SPAG4: variants seen among roughly 807,000 people sequenced by gnomAD.
The protein encoded by SPAG4 is sperm associated antigen 4, also known as sperm-associated antigen 4 protein.
In SPAG4, 54 loss-of-function variants were observed where a neutral mutation model predicts 53.9. The observed-to-expected ratio is 1.00, with a 90% CI of 0.80 to 1.26. SPAG4 has a LOEUF of 1.26. Ranked by LOEUF, SPAG4 falls within the 50% of genes most tolerant of loss-of-function variation. The pLI, the probability that SPAG4 is intolerant of heterozygous loss-of-function variation, is 0.00. For missense variants in SPAG4, 548 were observed against 568.6 expected (o/e 0.96, Z 0.37); for synonymous variants, 246 against 237.4 (o/e 1.04, Z -0.33).
intron 11 of SPAG4, 51 bp from the exon 12 acceptor site, chr20:35,620,825 G>C: frequency 6.2e-7 from 1 of 1,613,012 alleles, no homozygotes; most frequent in African/African-American, 1.3e-5. Context: ...AGTGAGGGAT[G>C]AATGATCCAG....
In SPAG4 at chr20:35,618,592, C is replaced by T. The variant is rs1019019139; in HGVS notation, c.609-20C>T. 2.5e-6 allele frequency: 4 copies of T among 1,594,490 alleles called. No homozygotes were observed. The highest frequency in any genetic ancestry group is 3.4e-6 in the Non-Finnish European group (4 of 1,169,554). On this transcript the variant is annotated intron_variant, in intron 6 of 11. Coordinates refer to ENST00000374273, the MANE Select transcript of SPAG4 (RefSeq NM_003116.3). ...GGGGGACAGGGAGCCAACCCCACGG[C>T]GCCCACCTCCCACCTCCAGTGAGTA...
Position 35,619,655 on chromosome 20 carries a change from T to C in SPAG4, c.986T>C (p.Val329Ala). ...GTGGTGATCCAACTGCCGGGCCGAG[T>C]GCAGCTGAGCGACATCACTCTGCAG... ...GQVVIQLPGR[V>A]QLSDITLQHP... Residue 329 changes from valine to alanine, a missense_variant, in exon 10 of 12, where the codon GTG becomes GCG. Val to Ala is a moderately conservative substitution (Grantham distance 64, BLOSUM62 0). Transcript: ENST00000374273. 6.2e-7 allele frequency: 1 copy of C among 1,613,948 alleles called. No individual in the cohort carries two copies. The highest frequency in any genetic ancestry group is 8.5e-7 in the Non-Finnish European group (1 of 1,180,004).
chr20:35,618,484 G>T lies in SPAG4; in HGVS notation c.608+9G>T. 5.6e-6 allele frequency: 9 copies of T among 1,613,870 alleles called. No homozygotes were observed. The highest frequency in any genetic ancestry group is 1.7e-4 in the Middle Eastern group (1 of 6,060). On this transcript the variant is annotated intron_variant, in intron 6 of 11. Coordinates refer to ENST00000374273, the MANE Select transcript of SPAG4 (RefSeq NM_003116.3). ...GAGATGCTGACTCTAAGGTGAAAGA[G>T]GGCACCTAGGGTGGGAAATTGGGGG... is the stretch of plus-strand genomic sequence containing the variant.
Position 35,617,760 on chromosome 20 carries a change from C to T in SPAG4, c.477-19C>T. The stretch of plus-strand genomic sequence containing the variant: ...AGGGTTGAGCAGGTCGGGGCCTCAG[C>T]CTCCCTCCGGTTCCCCAGGGAGGTC... On this transcript the variant is annotated intron_variant, in intron 3 of 11. Transcript: ENST00000374273. 1 of 1,613,198 alleles carries T rather than the reference C, an allele frequency of 6.2e-7. No homozygotes were observed. The highest frequency in any genetic ancestry group is 8.5e-7 in the Non-Finnish European group (1 of 1,179,290).
chr20:35,619,573 C>A lies in SPAG4; in HGVS notation c.910-6C>A. On this transcript the variant is annotated splice_region_variant and splice_polypyrimidine_tract_variant and intron_variant, in intron 9 of 11. Transcript: ENST00000374273. ...CGGTTCCGATGGTCCCTCCGCCCGC[C>A]TGCAGCCCCACGTGTTCCCTGGGAA... 4 of 1,611,164 alleles carry A rather than the reference C, an allele frequency of 2.5e-6. No homozygotes were observed. Among genetic ancestry groups the A allele is most frequent in the Non-Finnish European group, 3.4e-6 (4 of 1,177,878 alleles).
chr20:35,618,054 T>C (rs1674004117), intron 4 of SPAG4, 33 bp from the exon 5 acceptor site: 1 of 1,609,636 alleles, frequency 6.2e-7, no homozygotes, highest in African/African-American at 1.3e-5. Context: ...TCTCTTCCTT[T>C]TCCTTCTGAG....
chr20:35,619,455 C>A, intron 9 of SPAG4, 124 bp from the exon 10 acceptor site: 1 of 1,405,208 alleles, frequency 7.1e-7, no homozygotes, highest in Non-Finnish European at 1.0e-6. Flanking sequence ...TTGCTGGGGA[C>A]TGGGGCGGGC....
chr20:35,619,239 A>G lies in SPAG4; in HGVS notation c.838A>G (p.Arg280Gly), dbSNP rs760203123. ...GAAGACATCCCACGATTACGCAGACAGGAACACTGCCTACTTCTGGAATCG... is the reference window on the plus strand; with the variant it reads ...GAAGACATCCCACGATTACGCAGACGGGAACACTGCCTACTTCTGGAATCG... ...LQKTSHDYAD[R>G]NTAYFWNRFS... The change falls in exon 9 of 12, where the codon AGG becomes GGG. Residue 280 changes from arginine (R) to glycine (G), a missense_variant. Arg to Gly is a moderately radical substitution (Grantham distance 125). Coordinates refer to ENST00000374273, the MANE Select transcript of SPAG4 (RefSeq NM_003116.3). 4 of 1,613,996 alleles carry G rather than the reference A, an allele frequency of 2.5e-6. No homozygotes were observed. The highest frequency in any genetic ancestry group is 3.4e-6 in the Non-Finnish European group (4 of 1,179,992).
At position 35,617,126 on chromosome 20, in the gene SPAG4, G is replaced by T; in HGVS notation, c.305-10G>T. 6.4e-7 allele frequency: 1 copy of T among 1,566,432 alleles called. No individual in the cohort carries two copies. Among genetic ancestry groups the T allele is most frequent in the South Asian group, 1.2e-5 (1 of 85,798 alleles). ...CGCAAGGCCCCAGTGGAGCCCTTGGGTTCCCGCAGAACCGACTGGGTCTCC... is the reference window on the plus strand; with the variant it reads ...CGCAAGGCCCCAGTGGAGCCCTTGGTTTCCCGCAGAACCGACTGGGTCTCC... On this transcript the variant is annotated splice_polypyrimidine_tract_variant and intron_variant, in intron 1 of 11. Coordinates refer to ENST00000374273, the MANE Select transcript of SPAG4 (RefSeq NM_003116.3).
rs746725720 is a variant in SPAG4, at chr20:35,620,692, G to A, written c.1086G>A (p.Gln362=). ...CATTCTTCACCCACCAGGGCCTCCA[G>A]GTTTATGATGAAACTGAAGTTTCCT... ...APRDFAVFGL[Q]VYDETEVSLG... The change falls in exon 11 of 12, where the codon CAG becomes CAA. Residue 362 remains glutamine (Q), a synonymous_variant. Transcript: ENST00000374273. 7.4e-7 allele frequency: 1 copy of A among 1,349,024 alleles called. No homozygotes were observed. Among genetic ancestry groups the A allele is most frequent in the Non-Finnish European group, 9.8e-7 (1 of 1,024,352 alleles). The allele number at this position is 1,349,024 out of a possible 1,614,324, so 83.6% of individuals were successfully genotyped here. A position where few individuals can be genotyped will look rare whatever the true frequency, so the allele number is the denominator to read the frequency against.
chr20:35,617,417 C>A, intron 2 of SPAG4, 103 bp from the exon 3 acceptor site: 1 of 1,051,950 alleles, frequency 9.5e-7, no homozygotes, highest in Non-Finnish European at 1.4e-6. Context: ...CCCAGGCCCA[C>A]CCCCGGCCCC....
chr20:35,616,939 A>C, intron 1 of SPAG4, 197 bp from the exon 2 acceptor site: 1 of 579,512 alleles, frequency 1.7e-6, no homozygotes, highest in Non-Finnish European at 3.1e-6. Flanking sequence ...CAGGAGACCA[A>C]CTCTTGACGG....
chr20:35,616,068 G>T lies in SPAG4; in HGVS notation c.65G>T (p.Ser22Ile). 1 of 1,612,792 alleles carries T rather than the reference G, an allele frequency of 6.2e-7. No individual in the cohort carries two copies. The highest frequency in any genetic ancestry group is 2.2e-5 in the East Asian group (1 of 44,822). ...CGCAAGCACACGCCCAACTTTTTCAGCGAGAACAGCTCAATGAGCATCACC... is the reference window on the plus strand; with the variant it reads ...CGCAAGCACACGCCCAACTTTTTCATCGAGAACAGCTCAATGAGCATCACC... ...SSRKHTPNFF[S>I]ENSSMSITSE... is the part of the protein sequence containing the mutation. The change falls in exon 1 of 12, where the codon AGC becomes ATC. Residue 22 changes from serine to isoleucine, a missense_variant. Coordinates refer to ENST00000374273, the MANE Select transcript of SPAG4 (RefSeq NM_003116.3).
intron 1 of SPAG4, chr20:35,616,830 G>C (rs904046550): frequency 2.8e-6 from 1 of 363,182 alleles, no homozygotes; most frequent in African/African-American, 2.1e-5. Context: ...GGGTTTCTCC[G>C]TGTTAATCAG....
In SPAG4 at chr20:35,619,570, C is replaced by T. The variant is rs375693231; in HGVS notation, c.910-9C>T. On this transcript the variant is annotated splice_polypyrimidine_tract_variant and intron_variant, in intron 9 of 11. Coordinates refer to ENST00000374273, the MANE Select transcript of SPAG4 (RefSeq NM_003116.3). Reference sequence around the variant, plus strand: ...CGACGGTTCCGATGGTCCCTCCGCCCGCCTGCAGCCCCACGTGTTCCCTGG... The same window carrying T: ...CGACGGTTCCGATGGTCCCTCCGCCTGCCTGCAGCCCCACGTGTTCCCTGG... 13 of 1,610,100 alleles carry T rather than the reference C, an allele frequency of 8.1e-6. No homozygotes were observed. The highest frequency in any genetic ancestry group is 1.0e-5 in the Non-Finnish European group (12 of 1,177,264).
In SPAG4 at chr20:35,615,967, G is replaced by T. The variant is rs547025613; in HGVS notation, c.-37G>T. 6 of 1,600,716 alleles carry T rather than the reference G, an allele frequency of 3.7e-6. No homozygotes were observed. Among genetic ancestry groups the T allele is most frequent in the Middle Eastern group, 1.7e-4 (1 of 6,016 alleles). On this transcript the variant is annotated 5_prime_UTR_variant, in exon 1 of 12. Transcript: ENST00000374273. ...CCAGGGCCTTGGCGACCGCAGCGGC[G>T]GCTTTAGCGTCAGTGACTAGGCAGC...
Position 35,620,980 on chromosome 20 carries a change from A to T in SPAG4, c.1272A>T (p.Arg424=). The stretch of plus-strand genomic sequence containing the variant: ...ATCGAGTCCGTGCCCACGGTGTGCG[A>T]ACCTCAGAGGGGGCAGAGGGCAGTG... ...CLYRVRAHGV[R]TSEGAEGSAQ... The change falls in exon 12 of 12, where the codon CGA becomes CGT. Residue 424 remains arginine (R), a synonymous_variant. Coordinates refer to ENST00000374273, the MANE Select transcript of SPAG4 (RefSeq NM_003116.3). The T allele has an allele frequency of 6.2e-7, 1 of 1,614,220 alleles. No homozygotes were observed.
At chr20:35,619,111 C>CCCCCCGGG in intron 8 of SPAG4, 84 bp from the exon 9 acceptor site, 1 of 1,103,886 alleles carries the variant, frequency 9.1e-7, no homozygotes. Context: ...GGACAGCCCC[C>CCCCCCGGG]ACCCGCCCCC....
intron 9 of SPAG4, 23 bp downstream of exon 9, chr20:35,619,333 A>T: frequency 6.3e-7 from 1 of 1,591,640 alleles, no homozygotes; most frequent in Non-Finnish European, 8.6e-7. Context: ...ACATCCCGGG[A>T]TGGGACCCCG....
Sources: gnomAD v4.1 joint callset for allele counts on GRCh38, gnomAD v4.1.1 for gene constraint, MANE v1.5 for transcripts, NCBI Gene and HGNC (gene_info 2026-07-23, HGNC 2026-07-21) for gene names.